The following EPB41L4B variants were observed in gnomAD, a reference collection of about 807,000 sequenced individuals.
EPB41L4B encodes the protein erythrocyte membrane protein band 4.1 like 4B.
A neutral mutation model predicts 112.5 loss-of-function variants in EPB41L4B; 30 were observed. The observed-to-expected ratio is 0.27, with a 90% CI of 0.20 to 0.36. The LOEUF (loss-of-function observed/expected upper bound fraction) is 0.36. EPB41L4B is among the 10% of genes least tolerant of loss of function. The pLI is 1.00. For missense variants in EPB41L4B, 1,024 were observed against 1,133.3 expected (o/e 0.90, Z 1.38); for synonymous variants, 408 against 439.7 (o/e 0.93, Z 0.90).
chr9:109,174,445 G>T lies in EPB41L4B; in HGVS notation c.*109C>A. 2 of 1,085,486 alleles carry T rather than the reference G, an allele frequency of 1.8e-6. No individual in the cohort carries two copies. Among genetic ancestry groups the T allele is most frequent in the African/African-American group, 1.5e-5 (1 of 64,674 alleles). 67.2% of individuals were successfully genotyped at this position (1,085,486 alleles called of 1,614,324 possible). ...GCTTCAACTAACCATGGAGACCTGG[G>T]CGAACAGAGCACACACTTGTATGCT... On this transcript the variant is annotated 3_prime_UTR_variant, in exon 26 of 26. Coordinates refer to ENST00000374566, the MANE Select transcript of EPB41L4B (RefSeq NM_019114.5).
intron 22 of EPB41L4B, among the ~76,000 whole-genome samples, chr9:109,186,187 C>T (rs917771756): frequency 6.6e-6 from 1 of 151,736 alleles, no homozygotes; most frequent in African/African-American, 2.4e-5. Context: ...AGAAACATAT[C>T]GTTTCATTTC....
Position 109,282,687 on chromosome 9 carries a change from T to C in EPB41L4B, c.307-2766A>G, listed in dbSNP as rs555963641. ...GCCTGTGAGAACCACTCAGGACAAA[T>C]GATCTCATTTCTTTTTTTTTGAAAT... is the stretch of plus-strand genomic sequence containing the variant. On this transcript the variant is annotated intron_variant, in intron 1 of 25. Transcript: ENST00000374566. 5.3e-5 allele frequency among the ~76,000 whole-genome samples: 8 copies of C among 152,246 alleles called. No individual in the cohort carries two copies. The South Asian group carries it at 1.7e-3, about 32-fold the overall frequency.
At chr9:109,184,024 A>G (rs1230415287) in intron 23 of EPB41L4B, among the ~76,000 whole-genome samples, 2 of 152,212 alleles carry the variant, frequency 1.3e-5, no homozygotes. Flanking sequence ...CTCTTTACAC[A>G]TCTCAAAATT....
chr9:109,181,815 T>C (rs541929134), intron 24 of EPB41L4B, among the ~76,000 whole-genome samples: 1 of 152,294 alleles, frequency 6.6e-6, no homozygotes, highest in South Asian at 2.1e-4. Flanking sequence ...AGCAGCACTA[T>C]TCACAATAGC....
chr9:109,189,494 T>C (rs537037591), intron 22 of EPB41L4B, among the ~76,000 whole-genome samples: 38 of 152,380 alleles, frequency 2.5e-4, no homozygotes, highest in African/African-American at 9.1e-4. Flanking sequence ...GAGAGATGCC[T>C]GTTCCAGATT....
chr9:109,216,839 T>G, intron 16 of EPB41L4B, 83 bp downstream of exon 16: 1 of 1,365,910 alleles, frequency 7.3e-7, no homozygotes, highest in Non-Finnish European at 1.0e-6. Context: ...ACCGCAAGGG[T>G]CTGTCTTAAG....
At chr9:109,219,471 C>T (rs1833499333) in intron 15 of EPB41L4B, among the ~76,000 whole-genome samples, 1 of 152,172 alleles carries the variant, frequency 6.6e-6, no homozygotes, top group African/African-American at 2.4e-5. Flanking sequence ...CGCCATTCTC[C>T]TGCTTCAGCC....
At chr9:109,203,016 C>T (rs370045256) in intron 19 of EPB41L4B, among the ~76,000 whole-genome samples, 1 of 152,054 alleles carries the variant, frequency 6.6e-6, no homozygotes, top group East Asian at 1.9e-4. Flanking sequence ...TTAGCTGGCA[C>T]AGTGGCGTGC....
intron 1 of EPB41L4B, among the ~76,000 whole-genome samples, chr9:109,294,197 C>T (rs548354513): frequency 6.6e-6 from 1 of 150,828 alleles, no homozygotes; most frequent in South Asian, 2.1e-4. Context: ...CCCAGCTACT[C>T]GGGAGGCTGA....
At chr9:109,260,013 G>A (rs977903179) in intron 6 of EPB41L4B, among the ~76,000 whole-genome samples, 10 of 152,170 alleles carry the variant, frequency 6.6e-5, no homozygotes, top group Non-Finnish European at 8.8e-5. Flanking sequence ...GTTGGGGAGA[G>A]GGGGCACGGA....
chr9:109,177,975 GT>G (rs200460053), intron 24 of EPB41L4B, among the ~76,000 whole-genome samples: 4,205 of 150,186 alleles, frequency 0.028, 92 homozygotes, highest in African/African-American at 0.055. Flanking sequence ...CTGGAGTGCA[GT>G]TGGCACAATG....
chr9:109,285,524 A>T (rs1423349392), intron 1 of EPB41L4B, among the ~76,000 whole-genome samples: 1 of 152,060 alleles, frequency 6.6e-6, no homozygotes, highest in East Asian at 1.9e-4. Context: ...TTTGTTTGCT[A>T]CCTTCTGCTG....
At chr9:109,203,577 G>T in intron 19 of EPB41L4B, 86 bp downstream of exon 19, 1 of 1,091,270 alleles carries the variant, frequency 9.2e-7, no homozygotes, top group Non-Finnish European at 1.4e-6. Flanking sequence ...GATTTTATCA[G>T]CTAATGCCCT....
chr9:109,225,282 G>A (rs2118877382), intron 15 of EPB41L4B, among the ~76,000 whole-genome samples: 1 of 152,386 alleles, frequency 6.6e-6, no homozygotes, highest in Admixed American at 6.5e-5. Context: ...ACTGTGCCAT[G>A]CACAAGGATA....
intron 11 of EPB41L4B, among the ~76,000 whole-genome samples, chr9:109,254,581 A>G (rs577580525): frequency 6.6e-6 from 1 of 152,266 alleles, no homozygotes; most frequent in East Asian, 1.9e-4. Flanking sequence ...AGATTCTCAA[A>G]TGTAAATAGG....
rs572964205 is a variant in EPB41L4B at position 109,198,778 on chromosome 9, C to T, written c.2045+1458G>A. Among the ~76,000 whole-genome samples, 9 of 152,034 alleles carry T rather than the reference C, an allele frequency of 5.9e-5. No individual in the cohort carries two copies. The South Asian group carries it at 1.5e-3, about 25-fold the overall frequency. ...CAAAAAAATTAGCTGGGTGTGGTGG[C>T]GGGCACCTGTAATCCCAACTACTTG... On this transcript the variant is annotated intron_variant, in intron 20 of 25. Transcript: ENST00000374566.
intron 1 of EPB41L4B, among the ~76,000 whole-genome samples, chr9:109,314,556 C>T (rs1837555181): frequency 6.6e-6 from 1 of 151,766 alleles, no homozygotes; most frequent in East Asian, 1.9e-4. Flanking sequence ...ACAAATCCAG[C>T]AAGTATAGAA....
Position 109,264,941 on chromosome 9 carries a change from T to C in EPB41L4B, c.578+39A>G, listed in dbSNP as rs181853929. On this transcript the variant is annotated intron_variant, in intron 5 of 25. Coordinates refer to ENST00000374566, the MANE Select transcript of EPB41L4B (RefSeq NM_019114.5). Reference sequence around the variant, plus strand: ...TGAATTATTTTGAAATACACTATGATCTATCCTGGGTTAAGAGTTAGAACA... The same window carrying C: ...TGAATTATTTTGAAATACACTATGACCTATCCTGGGTTAAGAGTTAGAACA... 3.9e-6 allele frequency: 6 copies of C among 1,533,192 alleles called. No individual in the cohort carries two copies. In the East Asian group the frequency reaches 1.4e-4, roughly 36 times the overall value. 95.0% of individuals were successfully genotyped at this position (1,533,192 alleles called of 1,614,324 possible). A position where few individuals can be genotyped will look rare whatever the true frequency, so the allele number is the denominator to read the frequency against.
At chr9:109,268,598 G>A (rs1338680329) in intron 2 of EPB41L4B, among the ~76,000 whole-genome samples, 165 bp from the exon 3 acceptor site, 1 of 152,072 alleles carries the variant, frequency 6.6e-6, no homozygotes, top group African/African-American at 2.4e-5. Context: ...GCTTGGGATG[G>A]TATAAAAAAT....
Sources: allele counts gnomAD v4.1 joint callset (sites outside exome capture counted in the v4.1 genomes callset), GRCh38; gene constraint gnomAD v4.1.1; transcripts MANE v1.5; gene names NCBI Gene and HGNC (gene_info 2026-07-23, HGNC 2026-07-21).